The following PXDNL variants were observed in gnomAD, a reference collection of about 807,000 sequenced individuals.
PXDNL encodes the protein probable oxidoreductase PXDNL.
Under a neutral mutation model 150.8 loss-of-function variants are expected in PXDNL, and 145 were observed. That is an observed-to-expected ratio of 0.96 (90% CI 0.84 to 1.10). The LOEUF is 1.10. PXDNL is among the 50% of genes least tolerant of loss of function. The probability of loss-of-function intolerance (pLI) is 0.00; values close to 1 mark genes in which losing one functional copy is unlikely to be tolerated. For synonymous variants in PXDNL, 757 were observed against 725.7 expected (o/e 1.04, Z -0.69); for missense variants, 2,087 against 1,873.9 (o/e 1.11, Z -2.10).
At chr8:51,372,209 G>T (rs897142306) in intron 18 of PXDNL, 128 bp from the exon 19 acceptor site, 23 of 637,084 alleles carry the variant, frequency 3.6e-5, no homozygotes, top group Non-Finnish European at 5.8e-5. Context: ...AATTATGCTT[G>T]TTCTCCAACT....
chr8:51,675,829 C>G (rs1008486503), intron 1 of PXDNL, among the ~76,000 whole-genome samples: 1 of 150,376 alleles, frequency 6.6e-6, no homozygotes, highest in South Asian at 2.1e-4. Context: ...GACTCATAAT[C>G]TGTTATAGCA....
At chr8:51,628,399 C>T (rs137860195) in intron 2 of PXDNL, among the ~76,000 whole-genome samples, 47 of 69,768 alleles carry the variant, frequency 6.7e-4, no homozygotes, top group East Asian at 2.8e-3. Context: ...CTTTTCTTTT[C>T]TTTTTTTTTT....
intron 4 of PXDNL, among the ~76,000 whole-genome samples, chr8:51,551,028 C>A (rs1812468583): frequency 6.6e-6 from 1 of 152,030 alleles, no homozygotes; most frequent in Non-Finnish European, 1.5e-5. Flanking sequence ...AGTGACCAAG[C>A]TGAAAACCAA....
At chr8:51,466,650 C>CA (rs1324481650) in intron 8 of PXDNL, among the ~76,000 whole-genome samples, 1 of 152,130 alleles carries the variant, frequency 6.6e-6, no homozygotes, top group African/African-American at 2.4e-5. Context: ...ACACATCTGA[C>CA]AAAAGCCTAA....
chr8:51,475,234 T>G (rs975941289), intron 6 of PXDNL, 93 bp from the exon 7 acceptor site: 24 of 1,258,474 alleles, frequency 1.9e-5, no homozygotes, highest in South Asian at 1.4e-4. Context: ...TCCCCTGATT[T>G]ACCTTGTCTG....
intron 1 of PXDNL, among the ~76,000 whole-genome samples, chr8:51,690,136 T>A (rs1464972657): frequency 6.6e-6 from 1 of 152,178 alleles, no homozygotes; most frequent in Non-Finnish European, 1.5e-5. Context: ...TGAGCTAATC[T>A]CATATGTGGA....
chr8:51,655,010 G>A (rs191660516), intron 1 of PXDNL, among the ~76,000 whole-genome samples: 1 of 152,252 alleles, frequency 6.6e-6, no homozygotes, highest in Admixed American at 6.5e-5. Flanking sequence ...TATTTATAGA[G>A]CTCTGCAAAG....
chr8:51,636,120 T>C (rs1814597841), intron 2 of PXDNL, among the ~76,000 whole-genome samples: 8 of 152,148 alleles, frequency 5.3e-5, no homozygotes, highest in Admixed American at 5.2e-4. Context: ...TATCAAATGA[T>C]ACGTAAAAAG....
intron 4 of PXDNL, among the ~76,000 whole-genome samples, chr8:51,552,040 G>T (rs1483052055): frequency 6.6e-6 from 1 of 152,132 alleles, no homozygotes; most frequent in African/African-American, 2.4e-5. Context: ...ATGCTGAAAA[G>T]AAGGTATACA....
intron 6 of PXDNL, among the ~76,000 whole-genome samples, chr8:51,477,141 A>G (rs1483520898): frequency 1.3e-5 from 2 of 152,216 alleles, no homozygotes; most frequent in Admixed American, 6.5e-5. Context: ...ATAAATTAAG[A>G]AAGTTTTATT....
chr8:51,354,253 T>C (rs1188684211), intron 19 of PXDNL, among the ~76,000 whole-genome samples: 2 of 152,140 alleles, frequency 1.3e-5, no homozygotes, highest in Non-Finnish European at 2.9e-5. Context: ...TTCTAAATTT[T>C]CTAATTTTTA....
intron 4 of PXDNL, among the ~76,000 whole-genome samples, chr8:51,537,763 G>A (rs1446910757): frequency 6.6e-6 from 1 of 152,134 alleles, no homozygotes; most frequent in Non-Finnish European, 1.5e-5. Context: ...TACATCATAC[G>A]GGTTTTATCT....
chr8:51,475,154 G>A lies in PXDNL; in HGVS notation c.525-13C>T. 8 of 1,607,042 alleles carry A rather than the reference G, an allele frequency of 5.0e-6. No individual in the cohort carries two copies. The highest frequency in any genetic ancestry group is 6.0e-6 in the Non-Finnish European group (7 of 1,175,126). On this transcript the variant is annotated splice_polypyrimidine_tract_variant and intron_variant, in intron 6 of 22. Transcript: ENST00000356297. ...GGAATCCAGACGCCTAGGCATGCAGGCAAGAAGTACAACTGTTAAAAGGGA... is the reference window on the plus strand; with the variant it reads ...GGAATCCAGACGCCTAGGCATGCAGACAAGAAGTACAACTGTTAAAAGGGA...
chr8:51,752,924 A>G (rs1359306280), intron 1 of PXDNL, among the ~76,000 whole-genome samples: 3 of 152,206 alleles, frequency 2.0e-5, no homozygotes, highest in Admixed American at 1.3e-4. Flanking sequence ...ACAAATGTCT[A>G]CAAATGGGGT....
At chr8:51,628,755 C>G (rs896022232) in intron 2 of PXDNL, among the ~76,000 whole-genome samples, 1 of 151,890 alleles carries the variant, frequency 6.6e-6, no homozygotes, top group Non-Finnish European at 1.5e-5. Context: ...AGGGAAATCT[C>G]TACCAAAATT....
chr8:51,500,964 T>C (rs1296810493), intron 4 of PXDNL, among the ~76,000 whole-genome samples: 6 of 152,216 alleles, frequency 3.9e-5, no homozygotes, highest in Non-Finnish European at 5.9e-5. Context: ...TTCTTATAAA[T>C]CATTATTATA....
rs985188091 is a variant in PXDNL at position 51,638,224 on chromosome 8, C to T, written c.236+16465G>A. On this transcript the variant is annotated intron_variant, in intron 2 of 22. Coordinates refer to ENST00000356297, the MANE Select transcript of PXDNL (RefSeq NM_144651.5). ...AGCACTAAACATGGAAAGGAACAAC[C>T]GGTACCAGCCACTGCAAAAACATGC... 7.2e-5 allele frequency among the ~76,000 whole-genome samples: 11 copies of T among 152,244 alleles called. No homozygotes were observed. In the East Asian group the frequency reaches 1.7e-3, roughly 24 times the overall value.
At chr8:51,397,894 A>G (rs983504388) in intron 17 of PXDNL, among the ~76,000 whole-genome samples, 8 of 152,048 alleles carry the variant, frequency 5.3e-5, no homozygotes, top group African/African-American at 1.4e-4. Flanking sequence ...TCCTAATGCT[A>G]TCCCTCCCCC....
chr8:51,782,605 A>G (rs1161313287), intron 1 of PXDNL, among the ~76,000 whole-genome samples: 1 of 152,222 alleles, frequency 6.6e-6, no homozygotes, highest in Non-Finnish European at 1.5e-5. Flanking sequence ...ATACTTACAG[A>G]TGCTTCTTAA....
Sources: allele counts gnomAD v4.1 joint callset (sites outside exome capture counted in the v4.1 genomes callset), GRCh38; gene constraint gnomAD v4.1.1; transcripts MANE v1.5; gene names NCBI Gene and HGNC (gene_info 2026-07-23, HGNC 2026-07-21).